Variants in CDCA7L observed in about 807,000 individuals in gnomAD.
CDCA7L encodes cell division cycle-associated 7-like protein.
In CDCA7L, 44 loss-of-function variants were observed where a neutral mutation model predicts 57.4. The ratio of observed to expected loss-of-function variants is 0.77; its 90% CI spans 0.60 to 0.98. The LOEUF (loss-of-function observed/expected upper bound fraction) is 0.98, where lower values mean the gene tolerates loss of function less well. Ranked by LOEUF, CDCA7L falls within the 50% of genes least tolerant of loss-of-function variation. The pLI, the probability that CDCA7L is intolerant of heterozygous loss-of-function variation, is 0.00. For missense variants in CDCA7L, 644 were observed against 580.6 expected, an observed-to-expected ratio of 1.11 and a Z score of -1.12; for synonymous variants, 236 against 202.8, an observed-to-expected ratio of 1.16 and a Z score of -1.39.
At chr7:21,902,523 C>T (rs532844190) in intron 9 of CDCA7L, 171 bp from the exon 10 acceptor site, 18 of 649,254 alleles carry the variant, frequency 2.8e-5, no homozygotes, top group Middle Eastern at 2.5e-4. Flanking sequence ...TGGTGTAGTA[C>T]GCCCCAAGCA....
At chr7:21,904,920 G>A (rs1341563037) in intron 7 of CDCA7L, among the ~76,000 whole-genome samples, 3 of 152,196 alleles carry the variant, frequency 2.0e-5, no homozygotes, top group Admixed American at 6.5e-5. Flanking sequence ...ACAGGTGACT[G>A]AGGGGCAATG....
intron 1 of CDCA7L, among the ~76,000 whole-genome samples, chr7:21,924,721 T>G (rs912075138): frequency 1.3e-5 from 2 of 152,106 alleles, no homozygotes; most frequent in Non-Finnish European, 2.9e-5. Context: ...TACAACACAA[T>G]ACAGATCTTT....
At chr7:21,905,853 G>C (rs1785120813) in intron 6 of CDCA7L, 2 of 530,082 alleles carry the variant, frequency 3.8e-6, no homozygotes, top group Non-Finnish European at 6.3e-6. Context: ...CAAGGTTTTT[G>C]GTTCTTTGCT....
chr7:21,902,540 G>A, intron 9 of CDCA7L, 188 bp from the exon 10 acceptor site: 1 of 588,900 alleles, frequency 1.7e-6, no homozygotes, highest in Non-Finnish European at 3.0e-6. Context: ...AGCATGACTT[G>A]CCTCACTCCC....
intron 1 of CDCA7L, among the ~76,000 whole-genome samples, chr7:21,925,581 A>C (rs1785798761): frequency 6.6e-6 from 1 of 152,248 alleles, no homozygotes; most frequent in Non-Finnish European, 1.5e-5. Context: ...TTAGCAGTTA[A>C]GAGAATCATA....
chr7:21,916,420 G>A (rs1034935395), intron 2 of CDCA7L, among the ~76,000 whole-genome samples: 3 of 149,748 alleles, frequency 2.0e-5, no homozygotes, highest in African/African-American at 4.9e-5. Context: ...CCGCAGCCTC[G>A]CCTCTGTGGG....
intron 1 of CDCA7L, among the ~76,000 whole-genome samples, chr7:21,939,991 C>T (rs1786290709): frequency 6.7e-6 from 1 of 149,616 alleles, no homozygotes; most frequent in Non-Finnish European, 1.5e-5. Flanking sequence ...AAAAGGCTTC[C>T]GTCTTGTTCA....
chr7:21,903,559 C>G (rs973615430), intron 8 of CDCA7L, among the ~76,000 whole-genome samples: 1 of 149,578 alleles, frequency 6.7e-6, no homozygotes, highest in Non-Finnish European at 1.5e-5. Context: ...CCCATGACTG[C>G]TGCCTAAGAG....
intron 1 of CDCA7L, among the ~76,000 whole-genome samples, chr7:21,925,588 C>CA (rs1785799065): frequency 6.6e-6 from 1 of 152,170 alleles, no homozygotes; most frequent in African/African-American, 2.4e-5. Context: ...TTAAGAGAAT[C>CA]ATAAAATCAA....
chr7:21,928,419 T>C (rs1785891342), intron 1 of CDCA7L, among the ~76,000 whole-genome samples: 1 of 151,920 alleles, frequency 6.6e-6, no homozygotes, highest in African/African-American at 2.4e-5. Flanking sequence ...TCACAACTCC[T>C]TACCAGCAAG....
rs377233838 is a variant in CDCA7L, at chr7:21,905,565, C to G, written c.988G>C (p.Glu330Gln). Residue 330 changes from glutamate (E) to glutamine (Q), a missense_variant, in exon 7 of 10, where the codon GAA (glutamate) becomes CAA (glutamine). Glu to Gln is a conservative substitution (Grantham distance 29). Coordinates refer to ENST00000406877, the MANE Select transcript of CDCA7L (RefSeq NM_018719.5). ...ATGGCAACATTTTCTAAGTCCTCTTCGGTGATATCCTCCACTGGCCGAAAA... is the reference window on the plus strand; with the variant it reads ...ATGGCAACATTTTCTAAGTCCTCTTGGGTGATATCCTCCACTGGCCGAAAA... ...SSFRPVEDIT[E>Q]EDLENVAITV... 1.2e-6 allele frequency: 2 copies of G among 1,613,874 alleles called. No homozygotes were observed. Among genetic ancestry groups the G allele is most frequent in the Non-Finnish European group, 1.7e-6 (2 of 1,179,940 alleles).
chr7:21,900,988 C>T lies in CDCA7L; in HGVS notation c.*1334G>A, dbSNP rs141951506. 4.9e-4 allele frequency: 767 copies of T among 1,558,370 alleles called. 1 individual carries two copies. The highest frequency in any genetic ancestry group is 1.0e-3 in the Middle Eastern group (6 of 5,800). ...TAGCAAGCTGCCACACAATTGCAAC[C>T]GCTGTGTTTTTGCCATAGGCGCCCG... On this transcript the variant is annotated 3_prime_UTR_variant, in exon 10 of 10. Transcript: ENST00000406877.
chr7:21,901,416 A>T lies in CDCA7L; in HGVS notation c.*906T>A. 1 of 1,051,498 alleles carries T rather than the reference A, an allele frequency of 9.5e-7. No individual in the cohort carries two copies. Among genetic ancestry groups the T allele is most frequent in the Non-Finnish European group, 1.3e-6 (1 of 789,974 alleles). The allele number at this position is 1,051,498 out of a possible 1,614,324, so 65.1% of individuals were successfully genotyped here. On this transcript the variant is annotated 3_prime_UTR_variant, in exon 10 of 10. Transcript: ENST00000406877. ...AGTGAAAGTCAGAAAAAAATACTAG[A>T]AACTAACTCAGGGCTGAGCGTGGTG...
chr7:21,944,627 A>C (rs1786455698), intron 1 of CDCA7L: 1 of 152,122 alleles, frequency 6.6e-6, no homozygotes, highest in Non-Finnish European at 1.5e-5. Flanking sequence ...ATTTTTCTCA[A>C]GCGACCATTT....
At chr7:21,942,286 G>A (rs1786364607) in intron 1 of CDCA7L, among the ~76,000 whole-genome samples, 1 of 152,120 alleles carries the variant, frequency 6.6e-6, no homozygotes, top group Non-Finnish European at 1.5e-5. Flanking sequence ...TTACTACTAT[G>A]GAAGATACAT....
intron 9 of CDCA7L, 52 bp from the exon 10 acceptor site, chr7:21,902,404 C>G (rs904868206): frequency 6.5e-7 from 1 of 1,538,736 alleles, no homozygotes; most frequent in African/African-American, 1.4e-5. Context: ...ACACAAATGG[C>G]ATTCTAGGCT....
intron 1 of CDCA7L, among the ~76,000 whole-genome samples, chr7:21,920,533 C>CA (rs1458663102): frequency 1.3e-5 from 2 of 152,190 alleles, no homozygotes; most frequent in East Asian, 1.9e-4. Context: ...AGGGTTAATA[C>CA]AAACACTTTC....
At chr7:21,941,877 TTCC>T (rs773363894) in intron 1 of CDCA7L, among the ~76,000 whole-genome samples, 2 of 152,220 alleles carry the variant, frequency 1.3e-5, no homozygotes, top group Non-Finnish European at 2.9e-5. Context: ...ATAGTTTCCA[TTCC>T]TTGGGGGCAA....
Position 21,901,510 on chromosome 7 carries a change from A to T in CDCA7L, c.*812T>A. 3.1e-6 allele frequency: 1 copy of T among 319,826 alleles called. No homozygotes were observed. The highest frequency in any genetic ancestry group is 5.1e-5 in the Admixed American group (1 of 19,742). 19.8% of individuals were successfully genotyped at this position (319,826 alleles called of 1,614,324 possible). ...CTTGAACCTAGGAGGCAAAGGTTGC[A>T]GTGAGCCGAGGTTGCACCACTGCAC... On this transcript the variant is annotated 3_prime_UTR_variant, in exon 10 of 10. Transcript: ENST00000406877.
Sources: allele counts gnomAD v4.1 joint callset (sites outside exome capture counted in the v4.1 genomes callset), GRCh38; gene constraint gnomAD v4.1.1; transcripts MANE v1.5; gene names NCBI Gene and HGNC (gene_info 2026-07-23, HGNC 2026-07-21).